The following POSTN variants were observed in gnomAD, a reference collection of about 807,000 sequenced individuals.
POSTN encodes the protein osteoblast specific factor 2 (fasciclin I-like).
POSTN carries 71 observed loss-of-function variants against 104.5 expected under a neutral mutation model. That is an observed-to-expected ratio of 0.68 (90% CI 0.56 to 0.83). POSTN has a LOEUF of 0.83. Ranked by LOEUF, POSTN falls within the 40% of genes least tolerant of loss-of-function variation. The pLI, the probability that POSTN is intolerant of heterozygous loss-of-function variation, is 0.00. For missense variants in POSTN, 949 were observed against 1,006.8 expected, an observed-to-expected ratio of 0.94 and a Z score of 0.78; for synonymous variants, 355 against 340.7, an observed-to-expected ratio of 1.04 and a Z score of -0.46.
chr13:37,575,535 A>G (rs562279284), intron 16 of POSTN, among the ~76,000 whole-genome samples: 1 of 152,230 alleles, frequency 6.6e-6, no homozygotes, highest in Non-Finnish European at 1.5e-5. Flanking sequence ...TTAACTGGAA[A>G]TGTGCCTCTG....
intron 4 of POSTN, among the ~76,000 whole-genome samples, chr13:37,589,648 G>A (rs957416052): frequency 1.3e-5 from 2 of 152,132 alleles, no homozygotes; most frequent in African/African-American, 4.8e-5. Flanking sequence ...GACAACCAGA[G>A]GAGCGATTTC....
At chr13:37,567,665 T>C (rs1422369122) in intron 21 of POSTN, among the ~76,000 whole-genome samples, 1 of 152,154 alleles carries the variant, frequency 6.6e-6, no homozygotes, top group Non-Finnish European at 1.5e-5. Flanking sequence ...ACCGATGCCT[T>C]ACAGATATGT....
Position 37,584,701 on chromosome 13 carries a change from A to G in POSTN, c.1108+15T>C, listed in dbSNP as rs776884832. 9.4e-6 allele frequency: 15 copies of G among 1,603,706 alleles called. No individual in the cohort carries two copies. Among genetic ancestry groups the G allele is most frequent in the Non-Finnish European group, 1.1e-5 (13 of 1,173,080 alleles). On this transcript the variant is annotated intron_variant, in intron 8 of 22. Coordinates refer to ENST00000379747, the MANE Select transcript of POSTN (RefSeq NM_006475.3). ...AAGTAAAAAAACAAAAACAAAAACA[A>G]AAAAAGTTGCTTACCAGAATCAGGA...
rs181222797 is a variant in POSTN, at chr13:37,574,416, G to T, written c.2089+156C>A. On this transcript the variant is annotated intron_variant, in intron 17 of 22. Coordinates refer to ENST00000379747, the MANE Select transcript of POSTN (RefSeq NM_006475.3). ...TACTTTGCTAAATAATTTGCACTCC[G>T]CATTCTGCAATTACATGAGCATGCC... Among the ~76,000 whole-genome samples, 21 of 151,866 alleles carry T rather than the reference G, an allele frequency of 1.4e-4. No homozygotes were observed. In the East Asian group the frequency reaches 4.1e-3, roughly 29 times the overall value.
At chr13:37,566,431 A>G (rs973147681) in intron 21 of POSTN, among the ~76,000 whole-genome samples, 2 of 152,184 alleles carry the variant, frequency 1.3e-5, no homozygotes, top group African/African-American at 2.4e-5. Flanking sequence ...ATGTCAATTG[A>G]TGATTGACAG....
At chr13:37,573,481 CTAAT>C (rs778763619) in intron 17 of POSTN, among the ~76,000 whole-genome samples, 16 of 150,738 alleles carry the variant, frequency 1.1e-4, no homozygotes, top group Non-Finnish European at 1.3e-4. Flanking sequence ...ATATAGATAA[CTAAT>C]TAGCTAGGAA....
chr13:37,581,307 T>C (rs1029807281), intron 10 of POSTN, among the ~76,000 whole-genome samples: 5 of 152,254 alleles, frequency 3.3e-5, no homozygotes, highest in Admixed American at 3.3e-4. Context: ...AGGTAATGCC[T>C]GACTTCCTGT....
chr13:37,574,780 G>A lies in POSTN; in HGVS notation c.2009-128C>T, dbSNP rs977000308. The A allele has an allele frequency of 4.1e-6, 5 of 1,210,708 alleles. No homozygotes were observed. In the African/African-American group the frequency reaches 8.0e-5, roughly 19 times the overall value. 75.0% of individuals were successfully genotyped at this position (1,210,708 alleles called of 1,614,324 possible). ...GCACAGGATGTGGTAATATGTTCAG[G>A]CAGTCAGATACAGGAAATATTTATG... is the stretch of plus-strand genomic sequence containing the variant. On this transcript the variant is annotated intron_variant, in intron 16 of 22. Transcript: ENST00000379747.
chr13:37,581,342 G>A (rs529740720), intron 10 of POSTN, among the ~76,000 whole-genome samples: 3 of 152,278 alleles, frequency 2.0e-5, no homozygotes, highest in South Asian at 4.1e-4. Context: ...GTAGCTGTAC[G>A]TGTTATCTGG....
chr13:37,568,622 T>C (rs1166478297), intron 21 of POSTN: 1 of 151,978 alleles, frequency 6.6e-6, no homozygotes, highest in Non-Finnish European at 1.5e-5. Context: ...ATACAAATTA[T>C]GTATCTATAT....
At chr13:37,584,985 CT>C in intron 7 of POSTN, 57 bp from the exon 8 acceptor site, 1 of 1,592,010 alleles carries the variant, frequency 6.3e-7, no homozygotes, top group South Asian at 1.1e-5. Flanking sequence ...ACATTTGACC[CT>C]GAAAAGATGT....
intron 21 of POSTN, chr13:37,568,800 C>CA (rs1950183109): frequency 6.6e-6 from 1 of 151,810 alleles, no homozygotes; most frequent in African/African-American, 2.4e-5. Flanking sequence ...GATTATCACT[C>CA]AAACTGTTAG....
intron 10 of POSTN, among the ~76,000 whole-genome samples, chr13:37,581,360 C>T (rs1950583961): frequency 6.6e-6 from 1 of 152,156 alleles, no homozygotes; most frequent in Non-Finnish European, 1.5e-5. Flanking sequence ...TGGACAAATA[C>T]TGAACGTATC....
At chr13:37,576,426 AT>A (rs1950410681) in intron 16 of POSTN, among the ~76,000 whole-genome samples, 1 of 152,128 alleles carries the variant, frequency 6.6e-6, no homozygotes, top group East Asian at 1.9e-4. Flanking sequence ...ACCATTGAAC[AT>A]GTGTGTCTTA....
At chr13:37,598,561 G>A (rs1326359877) in intron 1 of POSTN, 47 bp downstream of exon 1, 2 of 1,564,068 alleles carry the variant, frequency 1.3e-6, no homozygotes, top group South Asian at 2.3e-5. Flanking sequence ...CATCTAACAA[G>A]CTGAGGAAAA....
At chr13:37,580,277 G>T (rs1406743412) in intron 11 of POSTN, among the ~76,000 whole-genome samples, 1 of 152,078 alleles carries the variant, frequency 6.6e-6, no homozygotes, top group Non-Finnish European at 1.5e-5. Flanking sequence ...TACTCTACAA[G>T]ATAGTCTTTG....
chr13:37,574,626 C>T lies in POSTN; in HGVS notation c.2035G>A (p.Glu679Lys). 1 of 1,598,376 alleles carries T rather than the reference C, an allele frequency of 6.3e-7. No homozygotes were observed. Among genetic ancestry groups the T allele is most frequent in the Non-Finnish European group, 8.5e-7 (1 of 1,174,496 alleles). ...YTTKIITKVV[E>K]PKIKVIEGSL... ...CCTTCAATCACTTTAATTTTTGGTTCCACAACTTTGGTTATAATTTTAGTT... is the reference window on the plus strand; with the variant it reads ...CCTTCAATCACTTTAATTTTTGGTTTCACAACTTTGGTTATAATTTTAGTT... Residue 679 changes from glutamate to lysine, a missense_variant, in exon 17 of 23, where the codon GAA (glutamate) becomes AAA (lysine). Glu to Lys is a moderately conservative substitution (Grantham distance 56). Coordinates refer to ENST00000379747, the MANE Select transcript of POSTN (RefSeq NM_006475.3).
chr13:37,570,923 G>T, intron 18 of POSTN: 1 of 378,030 alleles, frequency 2.6e-6, no homozygotes, highest in African/African-American at 2.0e-5. Context: ...TTGTTTTCTG[G>T]ATGTGGAATA....
At chr13:37,570,767 A>G in intron 18 of POSTN, 98 bp from the exon 19 acceptor site, 1 of 759,622 alleles carries the variant, frequency 1.3e-6, no homozygotes, top group Non-Finnish European at 2.2e-6. Context: ...ATTTCTACAA[A>G]TATTACCATT....
Sources: allele counts gnomAD v4.1 joint callset (sites outside exome capture counted in the v4.1 genomes callset), GRCh38; gene constraint gnomAD v4.1.1; transcripts MANE v1.5; gene names NCBI Gene and HGNC (gene_info 2026-07-23, HGNC 2026-07-21).